Variants in EXOC6 observed in about 807,000 individuals in gnomAD.
The protein encoded by EXOC6 is SEC15-like 1.
In EXOC6, 60 loss-of-function variants were observed where a neutral mutation model predicts 112.5. The ratio of observed to expected loss-of-function variants is 0.53; its 90% CI spans 0.43 to 0.66. The LOEUF is 0.66. Among genes scored for constraint, EXOC6 ranks in the 30% least tolerant of loss-of-function variants. EXOC6 has a pLI of 0.00. For missense variants in EXOC6, 855 were observed against 957.1 expected (o/e 0.89, Z 1.41); for synonymous variants, 295 against 308.0 (o/e 0.96, Z 0.44).
intron 12 of EXOC6, among the ~76,000 whole-genome samples, chr10:92,938,209 A>G (rs1025466762): frequency 2.6e-5 from 4 of 152,164 alleles, no homozygotes; most frequent in Non-Finnish European, 4.4e-5. Flanking sequence ...TGGCACTGTA[A>G]AAGCAACAAT....
At chr10:92,864,333 G>A (rs1000087859) in intron 1 of EXOC6, among the ~76,000 whole-genome samples, 1 of 152,182 alleles carries the variant, frequency 6.6e-6, no homozygotes, top group Non-Finnish European at 1.5e-5. Flanking sequence ...TATAAACCAA[G>A]GCAGATATAC....
At chr10:92,984,738 T>C (rs1205638962) in intron 18 of EXOC6, among the ~76,000 whole-genome samples, 1 of 152,176 alleles carries the variant, frequency 6.6e-6, no homozygotes, top group Non-Finnish European at 1.5e-5. Flanking sequence ...TGTACTTTCA[T>C]TGCATTTCTT....
intron 1 of EXOC6, among the ~76,000 whole-genome samples, chr10:92,829,256 G>T (rs1175327274): frequency 1.3e-5 from 2 of 152,064 alleles, no homozygotes; most frequent in East Asian, 3.9e-4. Context: ...GTCACAACTG[G>T]TCCAGCCAAT....
intron 20 of EXOC6, among the ~76,000 whole-genome samples, chr10:93,047,423 C>T (rs1221061586): frequency 6.6e-6 from 1 of 152,090 alleles, no homozygotes; most frequent in Non-Finnish European, 1.5e-5. Context: ...GTAATCCTAG[C>T]TACTCGGGAG....
Position 92,974,180 on chromosome 10 carries a change from T to G in EXOC6, c.1901T>G (p.Met634Arg), listed in dbSNP as rs750970964. 1.9e-6 allele frequency: 3 copies of G among 1,587,946 alleles called. No individual in the cohort carries two copies. Among genetic ancestry groups the G allele is most frequent in the Non-Finnish European group, 2.6e-6 (3 of 1,174,212 alleles). ...EPDGRASGYL[M>R]DLINFLRSIF... is the part of the protein sequence containing the mutation. ...GATGGAAGAGCTAGTGGTTATTTAA[T>G]GGACCTTATAAATTTTTTGAGAAGC... The change falls in exon 18 of 22, where the codon ATG (methionine) becomes AGG (arginine). Residue 634 changes from methionine to arginine, a missense_variant. Met to Arg is a moderately conservative substitution (Grantham distance 91). Transcript: ENST00000260762.
At chr10:92,997,756 G>T in intron 19 of EXOC6, 141 bp downstream of exon 19, 1 of 564,174 alleles carries the variant, frequency 1.8e-6, no homozygotes, top group Non-Finnish European at 2.8e-6. Context: ...TAGGAGTAGG[G>T]CTAACTTCCT....
intron 20 of EXOC6, among the ~76,000 whole-genome samples, chr10:93,047,796 AT>A (rs1424420398): frequency 6.6e-6 from 1 of 152,014 alleles, no homozygotes; most frequent in Non-Finnish European, 1.5e-5. Flanking sequence ...AAATACAAAG[AT>A]TAGCTGGGTG....
intron 1 of EXOC6, among the ~76,000 whole-genome samples, chr10:92,883,200 A>G (rs768303120): frequency 1.1e-4 from 16 of 152,238 alleles, no homozygotes; most frequent in Non-Finnish European, 1.9e-4. Flanking sequence ...AATTTGGTGA[A>G]TTTACCACAT....
chr10:92,860,098 G>T (rs889029698), intron 1 of EXOC6, among the ~76,000 whole-genome samples: 1 of 151,906 alleles, frequency 6.6e-6, no homozygotes, highest in Non-Finnish European at 1.5e-5. Context: ...CTTTTTAGTG[G>T]ATTAAAACCC....
At chr10:93,003,741 G>A (rs1782372662) in intron 19 of EXOC6, among the ~76,000 whole-genome samples, 1 of 152,162 alleles carries the variant, frequency 6.6e-6, no homozygotes, top group Non-Finnish European at 1.5e-5. Context: ...TATGTATTAT[G>A]TGTAGAGAGG....
At chr10:93,042,704 G>A (rs1486668877) in intron 20 of EXOC6, among the ~76,000 whole-genome samples, 4 of 152,066 alleles carry the variant, frequency 2.6e-5, no homozygotes, top group East Asian at 3.9e-4. Context: ...TAAGTCACTC[G>A]ATCTGTGGTA....
At chr10:92,920,866 G>A (rs138687634) in intron 8 of EXOC6, among the ~76,000 whole-genome samples, 1 of 151,726 alleles carries the variant, frequency 6.6e-6, no homozygotes, top group Non-Finnish European at 1.5e-5. Flanking sequence ...AATATTTTTT[G>A]TCTTAAGGTC....
chr10:93,007,223 C>G (rs539054274), intron 19 of EXOC6, among the ~76,000 whole-genome samples: 2 of 152,250 alleles, frequency 1.3e-5, no homozygotes, highest in African/African-American at 4.8e-5. Context: ...TCCTTCCCCC[C>G]TCGTAACAAA....
intron 1 of EXOC6, among the ~76,000 whole-genome samples, chr10:92,856,809 T>C (rs1847623364): frequency 6.6e-6 from 1 of 152,210 alleles, no homozygotes; most frequent in Admixed American, 6.5e-5. Context: ...TTTCAGGCTC[T>C]GTTGTTAGAT....
chr10:92,896,169 ATATATATATATATTTTTTTTTTTTTTTTT>A (rs1849790145), intron 4 of EXOC6, among the ~76,000 whole-genome samples: 1 of 24,584 alleles, frequency 4.1e-5, no homozygotes, highest in Non-Finnish European at 6.3e-5. Flanking sequence ...ATATATATAT[ATATATATATATATTTTTTTTTTTTTTTTT>A]TTTTTTTTTT....
chr10:92,935,605 T>C (rs2133958584), intron 11 of EXOC6, among the ~76,000 whole-genome samples: 1 of 152,294 alleles, frequency 6.6e-6, no homozygotes, highest in East Asian at 1.9e-4. Flanking sequence ...AATATAAGCA[T>C]CATAAGTATC....
Position 92,894,820 on chromosome 10 carries a change from G to T in EXOC6, c.300G>T (p.Arg100Ser), listed in dbSNP as rs569179703. The change falls in exon 3 of 22, where the codon AGG (arginine) becomes AGT (serine). Residue 100 changes from arginine (R) to serine (S), a missense_variant. By Grantham distance (110) the Arg-to-Ser change is moderately radical. Around this residue, in one of 2 missense-constraint regions of EXOC6, gnomAD observed 405 missense variants for 393.6 expected, o/e 1.03. Coordinates refer to ENST00000260762, the MANE Select transcript of EXOC6 (RefSeq NM_019053.6). ...LKVQVTDTNRRFQDAGKEVIV... is the reference protein window; with the variant it reads ...LKVQVTDTNRSFQDAGKEVIV... ...TGCAAGTTACTGATACCAACCGAAG[G>T]TTTCAAGATGCTGGAAAAGAGGTGA... 3 of 1,613,504 alleles carry T rather than the reference G, an allele frequency of 1.9e-6. No individual in the cohort carries two copies. The South Asian group carries it at 3.3e-5, about 18-fold the overall frequency.
chr10:92,836,400 G>T (rs1319483093), intron 1 of EXOC6, among the ~76,000 whole-genome samples: 2 of 152,108 alleles, frequency 1.3e-5, no homozygotes, highest in Non-Finnish European at 2.9e-5. Context: ...AAATCATTTA[G>T]ATTTGGCAGC....
At chr10:92,904,590 C>T (rs1489505545) in intron 5 of EXOC6, among the ~76,000 whole-genome samples, 2 of 152,006 alleles carry the variant, frequency 1.3e-5, no homozygotes, top group Admixed American at 6.6e-5. Context: ...TCTTCTTTAG[C>T]GAGGTGTCCA....
Sources: allele counts gnomAD v4.1 joint callset (sites outside exome capture counted in the v4.1 genomes callset), GRCh38; gene constraint gnomAD v4.1.1; regional missense constraint gnomAD v4.1.1; transcripts MANE v1.5; gene names NCBI Gene and HGNC (gene_info 2026-07-23, HGNC 2026-07-21).